The following ATP8A2 variants were observed in gnomAD, a reference collection of about 807,000 sequenced individuals.
The protein encoded by ATP8A2 is ATPase phospholipid transporting 8A2.
In ATP8A2, 100 loss-of-function variants were observed where a neutral mutation model predicts 165.6. That is an observed-to-expected ratio of 0.60 (90% confidence interval 0.51 to 0.71). The LOEUF is 0.71. Ranked by LOEUF, ATP8A2 falls within the 30% of genes least tolerant of loss-of-function variation. The pLI, the probability that ATP8A2 is intolerant of heterozygous loss-of-function variation, is 0.00. For synonymous variants in ATP8A2, 543 were observed against 548.8 expected, an observed-to-expected ratio of 0.99 and a Z score of 0.15; for missense variants, 1,227 against 1,479.5, an observed-to-expected ratio of 0.83 and a Z score of 2.80.
intron 30 of ATP8A2, among the ~76,000 whole-genome samples, chr13:25,853,970 C>T (rs530286215): frequency 2.0e-4 from 31 of 152,244 alleles, no homozygotes; most frequent in African/African-American, 6.5e-4. Context: ...AGAATTGAGA[C>T]TCAAAACCTA....
intron 33 of ATP8A2, among the ~76,000 whole-genome samples, chr13:25,935,948 A>G (rs1427805758): frequency 6.6e-6 from 1 of 152,228 alleles, no homozygotes; most frequent in African/African-American, 2.4e-5. Flanking sequence ...GTTAAGCCTA[A>G]GGATTTCATA....
chr13:25,423,708 A>G (rs1233787304), intron 1 of ATP8A2, among the ~76,000 whole-genome samples: 2 of 152,232 alleles, frequency 1.3e-5, no homozygotes, highest in East Asian at 1.9e-4. Flanking sequence ...TAAGTTGAGC[A>G]TCTTTTTATA....
intron 35 of ATP8A2, among the ~76,000 whole-genome samples, chr13:25,982,562 C>A (rs915131655): frequency 6.6e-6 from 1 of 152,126 alleles, no homozygotes; most frequent in Non-Finnish European, 1.5e-5. Context: ...ATTTGATAAC[C>A]CAGAGAAATG....
intron 25 of ATP8A2, among the ~76,000 whole-genome samples, chr13:25,757,495 G>A (rs1012482933): frequency 5.7e-5 from 6 of 105,574 alleles, no homozygotes; most frequent in Non-Finnish European, 7.8e-5. Flanking sequence ...TCAGTGTAAC[G>A]ATATACTATG....
chr13:25,446,626 C>T (rs1012523016), intron 1 of ATP8A2, among the ~76,000 whole-genome samples: 5 of 152,046 alleles, frequency 3.3e-5, no homozygotes, highest in African/African-American at 1.2e-4. Flanking sequence ...AATGAGACTG[C>T]GGTACTGAAT....
chr13:25,423,896 A>C (rs1349952233), intron 1 of ATP8A2, among the ~76,000 whole-genome samples: 1 of 152,194 alleles, frequency 6.6e-6, no homozygotes, highest in Non-Finnish European at 1.5e-5. Flanking sequence ...GGTGTGTACA[A>C]ATAATTCTAA....
intron 1 of ATP8A2, among the ~76,000 whole-genome samples, chr13:25,408,149 C>A (rs957479718): frequency 6.6e-6 from 1 of 151,900 alleles, no homozygotes; most frequent in African/African-American, 2.4e-5. Context: ...AATCCCAGCA[C>A]TTTGGGAGGC....
chr13:26,017,513 A>G (rs1957004832), intron 36 of ATP8A2, among the ~76,000 whole-genome samples: 1 of 152,232 alleles, frequency 6.6e-6, no homozygotes, highest in African/African-American at 2.4e-5. Context: ...TGTGTGTGCC[A>G]CACGGTGCCA....
At chr13:25,542,078 A>G in intron 9 of ATP8A2, 32 bp downstream of exon 9, 1 of 1,600,188 alleles carries the variant, frequency 6.2e-7, no homozygotes, top group Non-Finnish European at 8.6e-7. Context: ...TTGTCTTTTA[A>G]ACTATGTGAC....
intron 33 of ATP8A2, among the ~76,000 whole-genome samples, chr13:25,928,143 TG>T (rs1416793679): frequency 6.6e-6 from 1 of 152,202 alleles, no homozygotes; most frequent in East Asian, 1.9e-4. Flanking sequence ...GGCCCCAGCT[TG>T]GCAGAAGTCA....
chr13:25,576,940 G>A, intron 19 of ATP8A2, 129 bp from the exon 20 acceptor site: 1 of 694,256 alleles, frequency 1.4e-6, no homozygotes, highest in Non-Finnish European at 2.5e-6. Flanking sequence ...TGAAGAAAAA[G>A]GCAGGGAAAG....
At chr13:25,515,744 C>T in intron 2 of ATP8A2, among the ~76,000 whole-genome samples, 1 of 152,160 alleles carries the variant, frequency 6.6e-6, no homozygotes, top group Non-Finnish European at 1.5e-5. Flanking sequence ...AGCTAGGCAG[C>T]CTTTAGATCG....
chr13:25,872,924 T>C (rs1952716119), intron 33 of ATP8A2, among the ~76,000 whole-genome samples: 1 of 152,164 alleles, frequency 6.6e-6, no homozygotes. Flanking sequence ...ACTAAATCTC[T>C]GAAGTCCAGT....
intron 34 of ATP8A2, among the ~76,000 whole-genome samples, chr13:25,962,831 T>G (rs1304678325): frequency 1.3e-5 from 2 of 152,224 alleles, no homozygotes; most frequent in African/African-American, 4.8e-5. Context: ...CATTTTGGCA[T>G]TATCTTGACA....
chr13:25,847,537 ATGT>A (rs1386491426), intron 30 of ATP8A2, among the ~76,000 whole-genome samples: 1 of 152,146 alleles, frequency 6.6e-6, no homozygotes, highest in Non-Finnish European at 1.5e-5. Context: ...GTTTGGTGTA[ATGT>A]TGTAAGAAGT....
intron 1 of ATP8A2, among the ~76,000 whole-genome samples, chr13:25,466,290 C>T (rs920703833): frequency 1.3e-5 from 2 of 152,122 alleles, no homozygotes; most frequent in Admixed American, 6.5e-5. Flanking sequence ...ACAATTTTGT[C>T]TGCTTGGGCC....
At position 25,920,898 on chromosome 13, in the gene ATP8A2, T is replaced by C. The variant is rs537645034; in HGVS notation, c.3184-40677T>C. Among the ~76,000 whole-genome samples the C allele has an allele frequency of 1.1e-3, 164 of 152,172 alleles. 1 individual carries two copies. Among genetic ancestry groups the C allele is most frequent in the African/African-American group, 3.8e-3 (158 of 41,524 alleles). On this transcript the variant is annotated intron_variant, in intron 33 of 36. Coordinates refer to ENST00000381655, the MANE Select transcript of ATP8A2 (RefSeq NM_016529.6). Reference sequence around the variant, plus strand: ...TCGAGACCAGCCTGGTGAAAACCTGTCTCTACTAAAAATACAAAAAAATTA... The same window carrying C: ...TCGAGACCAGCCTGGTGAAAACCTGCCTCTACTAAAAATACAAAAAAATTA...
intron 25 of ATP8A2, 63 bp from the exon 26 acceptor site, chr13:25,768,983 A>C: frequency 3.4e-6 from 5 of 1,455,246 alleles, no homozygotes; most frequent in Non-Finnish European, 4.8e-6. Flanking sequence ...AGCGGAATGT[A>C]GATTACAGCT....
rs1379920313 is a variant in ATP8A2 at position 25,953,391 on chromosome 13, C to T, written c.3184-8184C>T. Among the ~76,000 whole-genome samples, 5 of 151,830 alleles carry T rather than the reference C, an allele frequency of 3.3e-5. No homozygotes were observed. The highest frequency in any genetic ancestry group is 9.7e-5 in the African/African-American group (4 of 41,304). On this transcript the variant is annotated intron_variant, in intron 33 of 36. Coordinates refer to ENST00000381655, the MANE Select transcript of ATP8A2 (RefSeq NM_016529.6). This position sits in a 1 kb window ranked among gnomAD's most constrained non-coding sequence, Gnocchi z 6.7. ...GGAAGTTCTGGCACAGAGTGACGCA[C>T]GAAGAAATTTGAGCTTCCTTCTCCT...
Sources: gnomAD v4.1 joint callset for allele counts (sites outside exome capture counted in the v4.1 genomes callset) on GRCh38, gnomAD v4.1.1 for gene constraint, Gnocchi (gnomAD v3.1) non-coding constraint, MANE v1.5 for transcripts, NCBI Gene and HGNC (gene_info 2026-07-23, HGNC 2026-07-21) for gene names.